The following FGF12 variants were observed in gnomAD, a reference collection of about 807,000 sequenced individuals.
FGF12 encodes the protein fibroblast growth factor 12.
A neutral mutation model predicts 23.6 loss-of-function variants in FGF12; 14 were observed. That is an observed-to-expected ratio of 0.59 (90% CI 0.39 to 0.93). The LOEUF is 0.93. Ranked by LOEUF, FGF12 falls within the 40% of genes least tolerant of loss-of-function variation. The pLI, the probability that FGF12 is intolerant of heterozygous loss-of-function variation, is 0.00. For missense variants in FGF12, 175 were observed against 217.8 expected (o/e 0.80, Z 1.24); for synonymous variants, 62 against 77.3 (o/e 0.80, Z 1.04).
At chr3:192,488,990 T>C (rs1242233903) in intron 2 of FGF12, among the ~76,000 whole-genome samples, 2 of 152,040 alleles carry the variant, frequency 1.3e-5, no homozygotes, top group Admixed American at 6.6e-5. Flanking sequence ...AGCCTTATGA[T>C]AGGATGCTTT....
At chr3:192,703,408 A>G (rs1718366793) in intron 2 of FGF12, among the ~76,000 whole-genome samples, 1 of 152,202 alleles carries the variant, frequency 6.6e-6, no homozygotes, top group Non-Finnish European at 1.5e-5. Flanking sequence ...GCAATTCGTA[A>G]TCTTTTTGCT....
At chr3:192,212,775 A>G (rs571376160) in intron 4 of FGF12, among the ~76,000 whole-genome samples, 2 of 129,358 alleles carry the variant, frequency 1.5e-5, no homozygotes, top group Admixed American at 1.6e-4. Context: ...CAACATTAAA[A>G]TTCACAAAAA....
At chr3:192,283,849 C>T (rs769627651) in intron 4 of FGF12, among the ~76,000 whole-genome samples, 3 of 152,042 alleles carry the variant, frequency 2.0e-5, no homozygotes, top group African/African-American at 4.8e-5. Context: ...CCTATTTCCA[C>T]GTGGTCAGCA....
At chr3:192,312,998 A>T (rs1290410538) in intron 4 of FGF12, among the ~76,000 whole-genome samples, 1 of 152,158 alleles carries the variant, frequency 6.6e-6, no homozygotes, top group African/African-American at 2.4e-5. Flanking sequence ...CCCTGTTTTG[A>T]TGCATAATTT....
At chr3:192,230,832 T>G (rs908382799) in intron 4 of FGF12, among the ~76,000 whole-genome samples, 1 of 152,092 alleles carries the variant, frequency 6.6e-6, no homozygotes, top group East Asian at 1.9e-4. Context: ...ATTCATATAG[T>G]GCATCAGCAA....
chr3:192,481,504 A>C (rs1723478325), intron 2 of FGF12, among the ~76,000 whole-genome samples: 1 of 152,168 alleles, frequency 6.6e-6, no homozygotes, highest in African/African-American at 2.4e-5. Context: ...GTTTAAGATA[A>C]ACTAGGTCTA....
chr3:192,483,318 G>A (rs1723533452), intron 2 of FGF12, among the ~76,000 whole-genome samples: 1 of 151,944 alleles, frequency 6.6e-6, no homozygotes. Flanking sequence ...ACCACCACTA[G>A]CTGTCATCCT....
rs376417233 is a variant in FGF12 at position 192,439,963 on chromosome 3, A to G, written c.14-79425T>C. Among the ~76,000 whole-genome samples, 396 of 149,694 alleles carry G rather than the reference A, an allele frequency of 2.6e-3. 2 individuals carry two copies. The highest frequency in any genetic ancestry group is 9.6e-3 in the African/African-American group (382 of 39,628). On this transcript the variant is annotated intron_variant, in intron 2 of 5. Coordinates refer to ENST00000445105, the MANE Select transcript of FGF12 (RefSeq NM_004113.6). Reference sequence around the variant, plus strand: ...TGCATTCCAGCCTAGGTGACAGAGCAAGACTCCATATGGAAAAAAAAAAAA... The same window carrying G: ...TGCATTCCAGCCTAGGTGACAGAGCGAGACTCCATATGGAAAAAAAAAAAA...
At chr3:192,605,194 T>G (rs1183666326) in intron 2 of FGF12, among the ~76,000 whole-genome samples, 1 of 151,954 alleles carries the variant, frequency 6.6e-6, no homozygotes, top group Non-Finnish European at 1.5e-5. Context: ...CTGGCCAACA[T>G]GGTGAAACCC....
intron 4 of FGF12, among the ~76,000 whole-genome samples, chr3:192,227,036 C>G (rs958325110): frequency 1.2e-4 from 19 of 152,236 alleles, no homozygotes; most frequent in Middle Eastern, 3.4e-3. Flanking sequence ...AAGTGGGCCC[C>G]CATCAGACAT....
intron 4 of FGF12, among the ~76,000 whole-genome samples, chr3:192,319,882 C>T (rs989630649): frequency 1.3e-5 from 2 of 151,874 alleles, no homozygotes; most frequent in Non-Finnish European, 2.9e-5. Flanking sequence ...TTAAAATATG[C>T]TAGCAGAGAA....
chr3:192,667,658 C>T (rs1052666600), intron 2 of FGF12, among the ~76,000 whole-genome samples: 3 of 142,894 alleles, frequency 2.1e-5, no homozygotes, highest in African/African-American at 2.6e-5. Context: ...TGCAAAGAGA[C>T]GGAGTGAGGG....
intron 4 of FGF12, among the ~76,000 whole-genome samples, chr3:192,237,540 CTTT>C (rs1333528012): frequency 6.6e-6 from 1 of 152,080 alleles, no homozygotes; most frequent in Admixed American, 6.6e-5. Context: ...TTTTCAAATT[CTTT>C]TTTATTTTTG....
At chr3:192,190,734 C>T (rs1188879639) in intron 4 of FGF12, among the ~76,000 whole-genome samples, 1 of 152,106 alleles carries the variant, frequency 6.6e-6, no homozygotes, top group East Asian at 1.9e-4. Flanking sequence ...CTCGGCCTCC[C>T]AAAGTGCTGG....
intron 4 of FGF12, among the ~76,000 whole-genome samples, chr3:192,212,364 G>C (rs928974914): frequency 6.6e-6 from 1 of 151,914 alleles, no homozygotes; most frequent in African/African-American, 2.4e-5. Context: ...CCCATAAAAC[G>C]TCAACTCTGA....
chr3:192,568,168 G>A (rs1560153245), intron 2 of FGF12, among the ~76,000 whole-genome samples: 1 of 152,058 alleles, frequency 6.6e-6, no homozygotes, highest in Non-Finnish European at 1.5e-5. Flanking sequence ...CTTGTCATTG[G>A]ATTTAGGGTC....
intron 4 of FGF12, among the ~76,000 whole-genome samples, chr3:192,187,871 A>T (rs1316892033): frequency 6.6e-6 from 1 of 152,234 alleles, no homozygotes; most frequent in Non-Finnish European, 1.5e-5. Flanking sequence ...GGAAGAAAGA[A>T]TAGTAAGTTT....
chr3:192,167,742 TA>T (rs1715258117), intron 5 of FGF12, among the ~76,000 whole-genome samples: 6 of 22,696 alleles, frequency 2.6e-4, no homozygotes, highest in Admixed American at 4.8e-4. Context: ...TATATATATA[TA>T]TATATATATA....
chr3:192,200,693 A>G (rs1211057511), intron 4 of FGF12, among the ~76,000 whole-genome samples: 1 of 152,188 alleles, frequency 6.6e-6, no homozygotes, highest in Non-Finnish European at 1.5e-5. Context: ...CCTGGACAAG[A>G]CATACTTGTC....
Sources: gnomAD v4.1 joint callset for allele counts (sites outside exome capture counted in the v4.1 genomes callset) on GRCh38, gnomAD v4.1.1 for gene constraint, MANE v1.5 for transcripts, NCBI Gene and HGNC (gene_info 2026-07-23, HGNC 2026-07-21) for gene names.